MFSD12: variants seen among roughly 807,000 people sequenced by gnomAD.
MFSD12 encodes the protein major facilitator superfamily domain containing 12, also known as major facilitator superfamily domain-containing protein 12.
A neutral mutation model predicts 51.2 loss-of-function variants in MFSD12; 67 were observed. That is an observed-to-expected ratio of 1.31 (90% confidence interval 1.08 to 1.60). The LOEUF is 1.60. MFSD12 is among the 40% of genes most tolerant of loss of function. The pLI is 0.00. For synonymous variants in MFSD12, 441 were observed against 316.7 expected (o/e 1.39, Z -4.17); for missense variants, 921 against 673.0 (o/e 1.37, Z -4.08).
In MFSD12 at chr19:3,547,301, T is replaced by TA; in HGVS notation, c.993_994insT (p.Lys332Ter). 6.2e-7 allele frequency: 1 copy of TA among 1,613,276 alleles called. No homozygotes were observed. The highest frequency in any genetic ancestry group is 8.5e-7 in the Non-Finnish European group (1 of 1,179,926). On this transcript the variant is annotated frameshift_variant, in exon 6 of 10. Transcript: ENST00000355415. LOFTEE classifies it high-confidence loss of function. Reference sequence around the variant, plus strand: ...CTCCCAATGCACTTGTTGATGGGCTTCATGAGGAAGGAGGACAAGAAGCCG... The same window carrying TA: ...CTCCCAATGCACTTGTTGATGGGCTTACATGAGGAAGGAGGACAAGAAGCCG...
intron 1 of MFSD12, among the ~76,000 whole-genome samples, chr19:3,553,835 A>G (rs2031604046): frequency 6.6e-6 from 1 of 151,608 alleles, no homozygotes; most frequent in African/African-American, 2.4e-5. Flanking sequence ...TAATCCCAGC[A>G]CTTTGGGAGG....
At chr19:3,556,075 G>T (rs368071393) in intron 1 of MFSD12, among the ~76,000 whole-genome samples, 2 of 152,184 alleles carry the variant, frequency 1.3e-5, no homozygotes, top group South Asian at 4.1e-4. Context: ...GGCAATGCAA[G>T]AACAGGGCAG....
Position 3,544,882 on chromosome 19 carries a change from C to A in MFSD12, c.1347G>T (p.Val449=). 1 of 1,611,938 alleles carries A rather than the reference C, an allele frequency of 6.2e-7. No homozygotes were observed. The highest frequency in any genetic ancestry group is 8.5e-7 in the Non-Finnish European group (1 of 1,179,502). The change falls in exon 9 of 10, where the codon GTG becomes GTT. Residue 449 remains valine (V), a synonymous_variant. Coordinates refer to ENST00000355415, the MANE Select transcript of MFSD12 (RefSeq NM_174983.5). Reference sequence around the variant, plus strand: ...CAGCGGCCACGCCCACGCCGCCCGTCACAGCCACCATCGCCCAGTGGTAAA... The same window carrying A: ...CAGCGGCCACGCCCACGCCGCCCGTAACAGCCACCATCGCCCAGTGGTAAA... ...VSFYHWAMVA[V]TGGVGVAAAL...
rs979952413 is a variant in MFSD12, at chr19:3,548,176, G to A, written c.601C>T (p.Gln201Ter). ...AGCTGGTCGCTGATGCTGATGTCTT[G>A]GGTGGGCTCCACCCGCGACGAGCCC... The part of the protein sequence containing the change: ...LQGSSRVEPT[Q>*]DISISDQLGG... The change falls in exon 3 of 10, where the codon CAA becomes TAA. Residue 201 changes from glutamine to a stop codon, truncating the protein, a stop_gained. Transcript: ENST00000355415. LOFTEE classifies it high-confidence loss of function. 1 of 1,594,962 alleles carries A rather than the reference G, an allele frequency of 6.3e-7. No homozygotes were observed. Among genetic ancestry groups the A allele is most frequent in the African/African-American group, 1.3e-5 (1 of 74,180 alleles).
downstream of MFSD12, chr19:3,543,222 T>A: frequency 6.5e-7 from 1 of 1,540,560 alleles, no homozygotes; most frequent in Non-Finnish European, 8.7e-7. Context: ...CTCTGCCCCC[T>A]GCCCACCCTC....
chr19:3,547,754 T>G, intron 4 of MFSD12, 94 bp downstream of exon 4: 4 of 1,400,474 alleles, frequency 2.9e-6, no homozygotes, highest in Non-Finnish European at 3.8e-6. Context: ...AGGGGCCACG[T>G]GTGCTCTGCG....
chr19:3,546,440 C>A lies in MFSD12; in HGVS notation c.1024-15G>T, dbSNP rs764137445. On this transcript the variant is annotated splice_polypyrimidine_tract_variant and intron_variant, in intron 6 of 9. Transcript: ENST00000355415. ...AAGTAGGTCATCTGCAGGGACAGCC[C>A]CGGGGTCAGGCCCACACCACTGGGT... 2 of 1,595,532 alleles carry A rather than the reference C, an allele frequency of 1.3e-6. No homozygotes were observed. The highest frequency in any genetic ancestry group is 4.5e-5 in the East Asian group (2 of 44,250).
At chr19:3,547,769 G>A in intron 4 of MFSD12, 79 bp downstream of exon 4, 1 of 1,435,068 alleles carries the variant, frequency 7.0e-7, no homozygotes, top group African/African-American at 1.4e-5. Context: ...TCTGCGTCTG[G>A]ACGCAGCTGC....
downstream of MFSD12, chr19:3,543,694 C>T (rs950629320): frequency 5.7e-5 from 87 of 1,520,246 alleles, no homozygotes; most frequent in Non-Finnish European, 7.0e-5. Flanking sequence ...AGGCTAGGTG[C>T]AGGGTGGGTC....
downstream of MFSD12, chr19:3,543,516 G>C (rs768083681): frequency 3.3e-6 from 5 of 1,494,084 alleles, no homozygotes; most frequent in Admixed American, 8.1e-5. Flanking sequence ...GCCTGCCAGA[G>C]GGGGACAGGA....
chr19:3,548,406 C>T (rs1488651149), intron 2 of MFSD12, 139 bp from the exon 3 acceptor site: 1 of 1,150,986 alleles, frequency 8.7e-7, no homozygotes, highest in Non-Finnish European at 1.2e-6. Flanking sequence ...TGGGTGGCCT[C>T]CAGGAAGCCC....
chr19:3,544,594 G>A lies in MFSD12; in HGVS notation c.*116C>T. ...CACCCCCGGGAGCTGGGTGAGGATG[G>A]AGGGTGGGGGTCCAGAGAAGAGTGA... On this transcript the variant is annotated 3_prime_UTR_variant, in exon 10 of 10. Coordinates refer to ENST00000355415, the MANE Select transcript of MFSD12 (RefSeq NM_174983.5). 2.7e-6 allele frequency: 4 copies of A among 1,480,560 alleles called. No homozygotes were observed. Among genetic ancestry groups the A allele is most frequent in the Non-Finnish European group, 1.8e-6 (2 of 1,118,628 alleles). The allele number at this position is 1,480,560 out of a possible 1,614,324, so 91.7% of individuals were successfully genotyped here. A position where few individuals can be genotyped will look rare whatever the true frequency, so the allele number is the denominator to read the frequency against.
At chr19:3,540,617 C>T (rs575069286), downstream of MFSD12, among the ~76,000 whole-genome samples, 5 of 151,938 alleles carry the variant, frequency 3.3e-5, no homozygotes, top group South Asian at 2.1e-4. Context: ...CAGTGGCTCA[C>T]GCCTGTAATT....
chr19:3,545,659 G>C (rs1599823305), intron 8 of MFSD12, among the ~76,000 whole-genome samples: 1 of 152,204 alleles, frequency 6.6e-6, no homozygotes, highest in Non-Finnish European at 1.5e-5. Context: ...TCACCTCTGT[G>C]ACTATTAACA....
downstream of MFSD12, chr19:3,543,895 C>G (rs760915025): frequency 1.9e-6 from 3 of 1,550,798 alleles, no homozygotes; most frequent in Non-Finnish European, 2.6e-6. Flanking sequence ...CCCTCCCTGT[C>G]GGCACCCCAG....
At chr19:3,545,765 A>C (rs10426380) in intron 8 of MFSD12, among the ~76,000 whole-genome samples, 27,281 of 152,180 alleles carry the variant, frequency 0.18, 2,627 homozygotes, top group African/African-American at 0.23. Flanking sequence ...AGAACCATCC[A>C]TGTCTGAACC....
chr19:3,540,548 G>A (rs376062863), downstream of MFSD12, among the ~76,000 whole-genome samples: 6 of 151,236 alleles, frequency 4.0e-5, no homozygotes, highest in East Asian at 2.0e-4. Flanking sequence ...GAGGCACCGC[G>A]CCTAGCTGTG....
intron 8 of MFSD12, 69 bp downstream of exon 8, chr19:3,546,005 G>GGACACACAGCAGGCGCTTAATCCCCT: frequency 1.3e-6 from 2 of 1,529,008 alleles, no homozygotes; most frequent in Non-Finnish European, 1.8e-6. Flanking sequence ...GAACACTGCT[G>GGACACACAGCAGGCGCTTAATCCCCT]GACACACAGC....
intron 8 of MFSD12, 93 bp from the exon 9 acceptor site, chr19:3,545,032 G>C: frequency 2.0e-6 from 3 of 1,467,434 alleles, no homozygotes; most frequent in Non-Finnish European, 2.7e-6. Flanking sequence ...CCCGACAGCG[G>C]CTCCGTCCTG....
Sources: allele counts gnomAD v4.1 joint callset (sites outside exome capture counted in the v4.1 genomes callset), GRCh38; gene constraint gnomAD v4.1.1; transcripts MANE v1.5; gene names NCBI Gene and HGNC (gene_info 2026-07-23, HGNC 2026-07-21).